The following MACROD2 variants were observed in gnomAD, a reference collection of about 807,000 sequenced individuals.
MACROD2 encodes ADP-ribose glycohydrolase MACROD2.
Under a neutral mutation model 70.4 loss-of-function variants are expected in MACROD2, and 36 were observed. The observed-to-expected ratio is 0.51, with a 90% CI of 0.39 to 0.68. The LOEUF (loss-of-function observed/expected upper bound fraction) is 0.68, where lower values mean the gene tolerates loss of function less well. Among genes scored for constraint, MACROD2 ranks in the 30% least tolerant of loss-of-function variants. The probability of loss-of-function intolerance (pLI) is 0.00; values close to 1 mark genes in which losing one functional copy is unlikely to be tolerated. For synonymous variants in MACROD2, 172 were observed against 178.8 expected, an observed-to-expected ratio of 0.96 and a Z score of 0.30; for missense variants, 496 against 538.4, an observed-to-expected ratio of 0.92 and a Z score of 0.78.
intron 2 of MACROD2, among the ~76,000 whole-genome samples, chr20:14,005,642 C>T (rs909999814): frequency 3.3e-5 from 5 of 151,518 alleles, no homozygotes; most frequent in African/African-American, 1.2e-4. Flanking sequence ...TTACTTTGTG[C>T]CCCGGGCTGG....
At chr20:14,434,292 A>G (rs1845185405) in intron 3 of MACROD2, among the ~76,000 whole-genome samples, 2 of 152,194 alleles carry the variant, frequency 1.3e-5, no homozygotes, top group African/African-American at 4.8e-5. Flanking sequence ...AATGAGGCAA[A>G]CTGAAATTAT....
chr20:15,006,209 A>C (rs2075036398), intron 5 of MACROD2, among the ~76,000 whole-genome samples: 1 of 149,340 alleles, frequency 6.7e-6, no homozygotes, highest in Admixed American at 6.7e-5. Context: ...CAACCTTAAA[A>C]AGAGGGAAAT....
intron 6 of MACROD2, among the ~76,000 whole-genome samples, chr20:15,266,876 G>A (rs1288119913): frequency 6.6e-6 from 1 of 152,206 alleles, no homozygotes; most frequent in Non-Finnish European, 1.5e-5. Context: ...TTCTATGCAA[G>A]ACATTCATCC....
intron 4 of MACROD2, among the ~76,000 whole-genome samples, chr20:14,517,894 C>T (rs1415854760): frequency 6.6e-6 from 1 of 151,824 alleles, no homozygotes; most frequent in Admixed American, 6.6e-5. Flanking sequence ...ATTCCAGTAG[C>T]CATATCATGC....
chr20:14,578,851 A>G (rs553107662), intron 4 of MACROD2, among the ~76,000 whole-genome samples: 20 of 152,298 alleles, frequency 1.3e-4, no homozygotes, highest in African/African-American at 4.6e-4. Flanking sequence ...GCTATTTTAC[A>G]GGGAGGAGCG....
At chr20:14,366,512 A>G (rs2083274805) in intron 3 of MACROD2, among the ~76,000 whole-genome samples, 2 of 151,750 alleles carry the variant, frequency 1.3e-5, no homozygotes. Flanking sequence ...GACTACAGGC[A>G]CGCACCACCA....
chr20:14,232,461 C>A (rs1481084243), intron 3 of MACROD2, among the ~76,000 whole-genome samples: 1 of 152,204 alleles, frequency 6.6e-6, no homozygotes, highest in African/African-American at 2.4e-5. Context: ...GTTATCTTAG[C>A]TAGATCTAGA....
At chr20:15,961,589 C>T (rs996219100) in intron 12 of MACROD2, among the ~76,000 whole-genome samples, 2 of 152,184 alleles carry the variant, frequency 1.3e-5, no homozygotes, top group Non-Finnish European at 2.9e-5. Flanking sequence ...GAAGCAGTGA[C>T]CCGATGCCAG....
chr20:15,634,311 T>C (rs184529354), intron 8 of MACROD2, among the ~76,000 whole-genome samples: 1 of 152,308 alleles, frequency 6.6e-6, no homozygotes, highest in East Asian at 1.9e-4. Flanking sequence ...AAAGAACAGA[T>C]GTAAGAGTCA....
intron 5 of MACROD2, among the ~76,000 whole-genome samples, chr20:14,740,922 G>A (rs1254902696): frequency 6.6e-6 from 1 of 152,084 alleles, no homozygotes; most frequent in African/African-American, 2.4e-5. Flanking sequence ...TGTGAGTTCT[G>A]CTTCAGTTCC....
At chr20:15,699,344 C>T (rs2050421874) in intron 8 of MACROD2, among the ~76,000 whole-genome samples, 1 of 152,152 alleles carries the variant, frequency 6.6e-6, no homozygotes, top group South Asian at 2.1e-4. Context: ...AATTGTCTCT[C>T]TTCTGGGTCT....
Position 14,916,977 on chromosome 20 carries a change from C to T in MACROD2, c.418+232018C>T, listed in dbSNP as rs117499296. 7.6e-3 allele frequency among the ~76,000 whole-genome samples: 1,162 copies of T among 151,968 alleles called. 8 individuals are homozygous for T. The highest frequency in any genetic ancestry group is 0.011 in the Non-Finnish European group (752 of 67,970). On this transcript the variant is annotated intron_variant, in intron 5 of 17. Coordinates refer to ENST00000684519, the MANE Select transcript of MACROD2 (RefSeq NM_001351661.2). ...AAAATAGGCACCTTGATTGGTCATG[C>T]AAACTTAACTCTCTGTGGCACATAC...
rs549535093 is a variant in MACROD2 at position 14,362,298 on chromosome 20, A to C, written c.272-131181A>C. Among the ~76,000 whole-genome samples the C allele has an allele frequency of 1.4e-4, 22 of 152,352 alleles. 1 individual carries two copies. In the South Asian group the frequency reaches 3.7e-3, roughly 26 times the overall value. ...GTCCTACTTTTATAGATGAGAAAAC[A>C]GAGGCACAGAAGTCAAGAAGCTGGT... is the stretch of plus-strand genomic sequence containing the variant. On this transcript the variant is annotated intron_variant, in intron 3 of 17. Transcript: ENST00000684519.
At chr20:14,884,370 C>T (rs1184256407) in intron 5 of MACROD2, 1 of 152,412 alleles carries the variant, frequency 6.6e-6, no homozygotes, top group Non-Finnish European at 1.5e-5. Context: ...CTCAAGTGGG[C>T]TGAAGTATCT....
chr20:15,414,757 G>A (rs573676748), intron 6 of MACROD2, among the ~76,000 whole-genome samples: 17 of 152,158 alleles, frequency 1.1e-4, no homozygotes, highest in Admixed American at 2.0e-4. Flanking sequence ...TGGAATTAAT[G>A]CAATGATATC....
At chr20:15,074,625 G>C (rs182766036) in intron 5 of MACROD2, among the ~76,000 whole-genome samples, 20 of 152,284 alleles carry the variant, frequency 1.3e-4, no homozygotes, top group African/African-American at 4.8e-4. Flanking sequence ...GTGGTATCTG[G>C]CACTATCTCC....
intron 9 of MACROD2, among the ~76,000 whole-genome samples, chr20:15,884,390 A>T (rs1030168021): frequency 2.6e-5 from 4 of 152,042 alleles, no homozygotes; most frequent in Non-Finnish European, 5.9e-5. Context: ...GTTGCCATCC[A>T]TGTGGGTGGT....
At chr20:14,263,753 G>C (rs1384504727) in intron 3 of MACROD2, among the ~76,000 whole-genome samples, 1 of 152,012 alleles carries the variant, frequency 6.6e-6, no homozygotes, top group African/African-American at 2.4e-5. Context: ...TTGAGCCCAG[G>C]AGGTTGAGAC....
intron 5 of MACROD2, among the ~76,000 whole-genome samples, chr20:15,137,142 T>G (rs903879291): frequency 6.8e-6 from 1 of 146,372 alleles, no homozygotes; most frequent in African/African-American, 2.5e-5. Context: ...ATTGTGGAAG[T>G]CAGTGTGGCG....
Sources: allele counts gnomAD v4.1 joint callset (sites outside exome capture counted in the v4.1 genomes callset), GRCh38; gene constraint gnomAD v4.1.1; transcripts MANE v1.5; gene names NCBI Gene and HGNC (gene_info 2026-07-23, HGNC 2026-07-21).